The following EYA2 variants were observed in gnomAD, a reference collection of about 807,000 sequenced individuals.
The protein encoded by EYA2 is protein phosphatase EYA2.
Under a neutral mutation model 69.2 loss-of-function variants are expected in EYA2, and 31 were observed. The ratio of observed to expected loss-of-function variants is 0.45; its 90% CI spans 0.34 to 0.60. The LOEUF is 0.60. EYA2 is among the 20% of genes least tolerant of loss of function. EYA2 has a pLI of 0.02. For synonymous variants in EYA2, 257 were observed against 279.4 expected, an observed-to-expected ratio of 0.92 and a Z score of 0.80; for missense variants, 622 against 701.2, an observed-to-expected ratio of 0.89 and a Z score of 1.28.
Position 47,072,214 on chromosome 20 carries a change from G to T in EYA2, c.445G>T (p.Gly149Ter), listed in dbSNP as rs868118146. The change falls in exon 6 of 16, where the codon GGA (glycine) becomes TGA (stop). Residue 149 changes from glycine (G) to a stop codon, truncating the protein, a stop_gained. Transcript: ENST00000327619. LOFTEE classifies it high-confidence loss of function. ...AACAGGGTTCTATCAAGGAGGAAAT[G>T]GACTGGGCAACGCAGCCGGTTTCGG... Reference protein sequence around the residue: ...GTTGFYQGGNGLGNAAGFGSV... With the variant: ...GTTGFYQGGN 6.2e-7 allele frequency: 1 copy of T among 1,613,112 alleles called. No homozygotes were observed. Among genetic ancestry groups the T allele is most frequent in the Non-Finnish European group, 8.5e-7 (1 of 1,179,654 alleles).
chr20:47,003,465 C>CT (rs1982502271), intron 3 of EYA2, among the ~76,000 whole-genome samples: 1 of 152,230 alleles, frequency 6.6e-6, no homozygotes, highest in African/African-American at 2.4e-5. Flanking sequence ...TCAAATCCAG[C>CT]TGATAGCACC....
intron 5 of EYA2, among the ~76,000 whole-genome samples, chr20:47,020,593 G>A (rs773029626): frequency 6.6e-6 from 1 of 151,948 alleles, no homozygotes; most frequent in Non-Finnish European, 1.5e-5. Flanking sequence ...AGATTAAAAA[G>A]AGGGGGAAAA....
intron 1 of EYA2, among the ~76,000 whole-genome samples, chr20:46,976,381 A>G (rs1020069821): frequency 3.1e-4 from 10 of 32,324 alleles, no homozygotes; most frequent in African/African-American, 1.4e-3. Context: ...TTCCTAAGAG[A>G]GTTTTTGGGT....
chr20:46,927,047 A>G (rs1023497928), intron 1 of EYA2, among the ~76,000 whole-genome samples: 6 of 152,236 alleles, frequency 3.9e-5, no homozygotes, highest in South Asian at 4.1e-4. Flanking sequence ...GACATGGGCC[A>G]TTCTTCAGTG....
intron 5 of EYA2, among the ~76,000 whole-genome samples, chr20:47,033,444 A>G (rs1405075456): frequency 6.6e-6 from 1 of 152,224 alleles, no homozygotes; most frequent in Non-Finnish European, 1.5e-5. Flanking sequence ...TTTATTTACA[A>G]AAACAGGTGA....
At chr20:47,172,952 G>A in intron 12 of EYA2, 85 bp downstream of exon 12, 1 of 1,483,452 alleles carries the variant, frequency 6.7e-7, no homozygotes, top group Non-Finnish European at 9.1e-7. Context: ...CCAGGCGCCA[G>A]GCAGAGAGGT....
At chr20:47,012,067 G>A (rs993843643) in intron 4 of EYA2, among the ~76,000 whole-genome samples, 1 of 152,184 alleles carries the variant, frequency 6.6e-6, no homozygotes, top group Admixed American at 6.5e-5. Flanking sequence ...TACAGTATCT[G>A]TAGCATCAAG....
intron 5 of EYA2, among the ~76,000 whole-genome samples, chr20:47,051,687 A>G (rs981855620): frequency 2.0e-5 from 3 of 152,112 alleles, no homozygotes; most frequent in Non-Finnish European, 4.4e-5. Context: ...CATGGGACAC[A>G]TTATTTTATA....
chr20:47,004,733 C>T (rs537600618), intron 3 of EYA2: 5 of 661,082 alleles, frequency 7.6e-6, no homozygotes, highest in Non-Finnish European at 1.0e-5. Flanking sequence ...CCCAGTCACA[C>T]GGCTGAATCT....
rs1480109658 is a variant in EYA2 at position 47,089,243 on chromosome 20, A to C, written c.666A>C (p.Glu222Asp). The C allele has an allele frequency of 6.8e-6, 11 of 1,614,016 alleles. No homozygotes were observed. The highest frequency in any genetic ancestry group is 9.3e-6 in the Non-Finnish European group (11 of 1,179,962). ...PNQSSESLAGEYNTHNGPSTP... is the reference protein window; with the variant it reads ...PNQSSESLAGDYNTHNGPSTP... ...CCATTCCCTTTCTTACGCCAGGTGA[A>C]TACAACACACACAATGGACCTTCCA... The change falls in exon 8 of 16, where the codon GAA (glutamate) becomes GAC (aspartate). Residue 222 changes from glutamate to aspartate, a missense_variant. Transcript: ENST00000327619.
At chr20:46,993,157 TC>T (rs1485625146) in intron 2 of EYA2, among the ~76,000 whole-genome samples, 1 of 152,168 alleles carries the variant, frequency 6.6e-6, no homozygotes, top group East Asian at 1.9e-4. Flanking sequence ...ATTTGCCCCA[TC>T]TGTTTAATGG....
intron 1 of EYA2, among the ~76,000 whole-genome samples, chr20:46,969,563 A>T (rs1316448860): frequency 1.4e-5 from 2 of 142,842 alleles, no homozygotes; most frequent in Admixed American, 7.0e-5. Flanking sequence ...TTGTTTGTTT[A>T]CTTATGTGTC....
intron 2 of EYA2, among the ~76,000 whole-genome samples, chr20:46,992,031 C>T (rs1220907575): frequency 6.6e-6 from 1 of 151,466 alleles, no homozygotes; most frequent in African/African-American, 2.4e-5. Flanking sequence ...TCCCCGCTGG[C>T]TGCCACCAGT....
At chr20:47,067,995 C>G (rs1036767796) in intron 5 of EYA2, among the ~76,000 whole-genome samples, 2 of 152,178 alleles carry the variant, frequency 1.3e-5, no homozygotes, top group Non-Finnish European at 2.9e-5. Flanking sequence ...TGCTGTCATT[C>G]CTATTCTTTT....
chr20:47,119,359 G>A (rs527533972), intron 9 of EYA2, among the ~76,000 whole-genome samples: 4 of 152,182 alleles, frequency 2.6e-5, no homozygotes, highest in Admixed American at 2.6e-4. Flanking sequence ...ATGGCAGATG[G>A]GGAAAAGCTC....
chr20:46,988,321 T>TA (rs1366079774), intron 1 of EYA2, among the ~76,000 whole-genome samples: 1 of 151,996 alleles, frequency 6.6e-6, no homozygotes, highest in African/African-American at 2.4e-5. Flanking sequence ...TGCTTTTTTT[T>TA]ACATGAATCA....
intron 1 of EYA2, among the ~76,000 whole-genome samples, chr20:46,944,587 C>T (rs554197752): frequency 1.8e-3 from 280 of 152,058 alleles, no homozygotes; most frequent in Admixed American, 3.1e-3. Flanking sequence ...AAACAGCACC[C>T]GCTCCATAGT....
chr20:46,908,403 A>G (rs1984467721), intron 1 of EYA2, among the ~76,000 whole-genome samples: 1 of 152,230 alleles, frequency 6.6e-6, no homozygotes, highest in Non-Finnish European at 1.5e-5. Flanking sequence ...CAAGGACAAA[A>G]GTCCTGAATT....
At chr20:47,080,188 T>G (rs981407524) in intron 7 of EYA2, among the ~76,000 whole-genome samples, 10 of 152,078 alleles carry the variant, frequency 6.6e-5, no homozygotes, top group African/African-American at 2.4e-4. Context: ...TCAGAAAGAT[T>G]TTTGGGAAGT....
Sources: gnomAD v4.1 joint callset for allele counts (sites outside exome capture counted in the v4.1 genomes callset) on GRCh38, gnomAD v4.1.1 for gene constraint, MANE v1.5 for transcripts, NCBI Gene and HGNC (gene_info 2026-07-23, HGNC 2026-07-21) for gene names.